Variants in ABTB3 observed in about 807,000 individuals in gnomAD.
ABTB3 encodes the protein ankyrin repeat and BTB domain containing 3.
At chr12:107,428,111 G>A in the ABTB3 span, among the ~76,000 whole-genome samples, 2 of 152,154 alleles carry the variant, frequency 1.3e-5, no homozygotes, top group African/African-American at 2.4e-5. Context: ...AGCATCTCTC[G>A]CAGTGTCTGG....
At chr12:107,501,036 A>G in the ABTB3 span, among the ~76,000 whole-genome samples, 1 of 152,292 alleles carries the variant, frequency 6.6e-6, no homozygotes, top group East Asian at 1.9e-4. Flanking sequence ...TGGGAAAGTA[A>G]CCTAACCTCT....
chr12:107,341,308 G>A, the ABTB3 span, among the ~76,000 whole-genome samples: 1 of 152,314 alleles, frequency 6.6e-6, no homozygotes, highest in South Asian at 2.1e-4. Context: ...CCCAGGAGCT[G>A]AGGGTCAACC....
the ABTB3 span, among the ~76,000 whole-genome samples, chr12:107,388,589 C>G: frequency 6.6e-6 from 1 of 151,544 alleles, no homozygotes; most frequent in Admixed American, 6.6e-5. Flanking sequence ...TTTCTTCTTC[C>G]CTCTTCCTCT....
At chr12:107,631,912 T>A in the ABTB3 span, among the ~76,000 whole-genome samples, 1 of 152,226 alleles carries the variant, frequency 6.6e-6, no homozygotes, top group Non-Finnish European at 1.5e-5. Flanking sequence ...TTCCCCTTTT[T>A]CCATACCGTC....
At chr12:107,495,964 T>C in the ABTB3 span, among the ~76,000 whole-genome samples, 2 of 152,184 alleles carry the variant, frequency 1.3e-5, no homozygotes, top group Non-Finnish European at 2.9e-5. Flanking sequence ...ATGATGAAGA[T>C]GGTGATGATG....
At chr12:107,333,895 A>G in the ABTB3 span, among the ~76,000 whole-genome samples, 4 of 152,194 alleles carry the variant, frequency 2.6e-5, no homozygotes, top group African/African-American at 9.7e-5. Context: ...CAATGATAAC[A>G]TGGTCAGGGT....
chr12:107,503,228 G>T, the ABTB3 span, among the ~76,000 whole-genome samples: 1 of 152,174 alleles, frequency 6.6e-6, no homozygotes, highest in African/African-American at 2.4e-5. Context: ...GCCCCTAGTT[G>T]CCTGGTGCCT....
the ABTB3 span, among the ~76,000 whole-genome samples, chr12:107,481,883 G>GTCTCTCCCTCTC: frequency 4.6e-5 from 5 of 108,320 alleles, no homozygotes; most frequent in Non-Finnish European, 9.2e-5. Context: ...GAAATCAAGA[G>GTCTCTCCCTCTC]TCTCTCTCTC....
chr12:107,371,834 A>G, the ABTB3 span, among the ~76,000 whole-genome samples: 8 of 152,202 alleles, frequency 5.3e-5, no homozygotes, highest in African/African-American at 1.9e-4. Context: ...CATGGCAGAC[A>G]TAACTAATTA....
the ABTB3 span, among the ~76,000 whole-genome samples, chr12:107,502,675 C>T: frequency 2.6e-5 from 4 of 152,084 alleles, no homozygotes; most frequent in African/African-American, 9.7e-5. Flanking sequence ...AGCGGGCGAG[C>T]GAGCATTACC....
chr12:107,371,948 CTG>C, the ABTB3 span, among the ~76,000 whole-genome samples: 1 of 152,194 alleles, frequency 6.6e-6, no homozygotes, highest in African/African-American at 2.4e-5. Flanking sequence ...GAGATGTAAA[CTG>C]TTTGCTCTCC....
At chr12:107,438,309 T>C in the ABTB3 span, among the ~76,000 whole-genome samples, 5 of 152,300 alleles carry the variant, frequency 3.3e-5, no homozygotes, top group South Asian at 1.0e-3. Context: ...CTATAAGCCA[T>C]TCTACTGAGA....
chr12:107,614,854 A>G, the ABTB3 span, among the ~76,000 whole-genome samples: 1 of 152,214 alleles, frequency 6.6e-6, no homozygotes, highest in Non-Finnish European at 1.5e-5. Context: ...AAACACAAGC[A>G]GGACAGATCC....
the ABTB3 span, among the ~76,000 whole-genome samples, chr12:107,466,981 CT>C: frequency 9.9e-5 from 15 of 152,276 alleles, no homozygotes; most frequent in East Asian, 2.7e-3. Flanking sequence ...TCTGAAACAC[CT>C]CTGGCCCCAA....
the ABTB3 span, among the ~76,000 whole-genome samples, chr12:107,391,777 A>G: frequency 2.0e-5 from 3 of 152,190 alleles, no homozygotes; most frequent in African/African-American, 4.8e-5. Context: ...TCTTAGCCCA[A>G]GGTTCAGGGC....
At chr12:107,367,281 G>A in the ABTB3 span, among the ~76,000 whole-genome samples, 1 of 152,192 alleles carries the variant, frequency 6.6e-6, no homozygotes, top group African/African-American at 2.4e-5. Flanking sequence ...TTAAAATTTG[G>A]TGAGGAAAAG....
chr12:107,550,132 G>T, the ABTB3 span, among the ~76,000 whole-genome samples: 1 of 152,104 alleles, frequency 6.6e-6, no homozygotes, highest in Admixed American at 6.5e-5. Flanking sequence ...TAAGACTTCT[G>T]GTGGGCATTG....
the ABTB3 span, among the ~76,000 whole-genome samples, chr12:107,407,003 A>AG: frequency 1.6e-4 from 24 of 152,134 alleles, no homozygotes; most frequent in African/African-American, 5.6e-4. Context: ...ACCTTGGGGA[A>AG]GCCACTTAAT....
the ABTB3 span, among the ~76,000 whole-genome samples, chr12:107,568,361 T>A: frequency 1.4e-5 from 2 of 141,370 alleles, no homozygotes; most frequent in Non-Finnish European, 3.1e-5. Flanking sequence ...GTGTAGATCA[T>A]GATAATGGAA....
Sources: allele counts gnomAD v4.1 joint callset (sites outside exome capture counted in the v4.1 genomes callset), GRCh38; gene constraint gnomAD v4.1.1; transcripts MANE v1.5; gene names NCBI Gene and HGNC (gene_info 2026-07-23, HGNC 2026-07-21).